C8orf89: variants seen among roughly 807,000 people sequenced by gnomAD.
C8orf89 encodes chromosome 8 open reading frame 89, also known as putative uncharacterized protein C8orf89.
In C8orf89, 14 loss-of-function variants were observed where a neutral mutation model predicts 15.8. That is an observed-to-expected ratio of 0.89 (90% CI 0.59 to 1.39). C8orf89 has a LOEUF of 1.39. C8orf89 is among the 40% of genes most tolerant of loss of function. The pLI is 0.00. For synonymous variants in C8orf89, 55 were observed against 62.2 expected (o/e 0.88, Z 0.54); for missense variants, 181 against 184.5 (o/e 0.98, Z 0.11).
At chr8:73,244,073 T>C (rs1813068300) in intron 3 of C8orf89, among the ~76,000 whole-genome samples, 1 of 152,178 alleles carries the variant, frequency 6.6e-6, no homozygotes, top group African/African-American at 2.4e-5. Flanking sequence ...CATTTCATAT[T>C]TTACATGCCT....
the C8orf89 span, among the ~76,000 whole-genome samples, chr8:73,272,153 C>T: frequency 6.6e-6 from 1 of 152,122 alleles, no homozygotes; most frequent in African/African-American, 2.4e-5. Flanking sequence ...TAGATCTCCA[C>T]CTTTTCCCCC....
At chr8:73,277,017 G>A in the C8orf89 span, among the ~76,000 whole-genome samples, 1 of 151,808 alleles carries the variant, frequency 6.6e-6, no homozygotes, top group Middle Eastern at 3.4e-3. Context: ...ATGTAACCCA[G>A]GCTTGTCTTG....
At chr8:73,246,369 T>TTTTG (rs796644173) in intron 3 of C8orf89, among the ~76,000 whole-genome samples, 10 of 152,074 alleles carry the variant, frequency 6.6e-5, no homozygotes, top group South Asian at 4.1e-4. Context: ...CTTTTGGGTT[T>TTTTG]TTTGTTTGTT....
the C8orf89 span, among the ~76,000 whole-genome samples, chr8:73,284,055 G>GA: frequency 6.3e-4 from 88 of 139,730 alleles, no homozygotes; most frequent in African/African-American, 1.8e-3. Flanking sequence ...AAAAAAAAAA[G>GA]AAAAAAAAAA....
chr8:73,255,900 A>T (rs1167962281), intron 2 of C8orf89, among the ~76,000 whole-genome samples: 81 of 146,734 alleles, frequency 5.5e-4, no homozygotes, highest in African/African-American at 1.9e-3. Flanking sequence ...ATAGGTGGGA[A>T]TTGAACAATG....
the C8orf89 span, among the ~76,000 whole-genome samples, chr8:73,280,022 G>A: frequency 6.6e-6 from 1 of 152,176 alleles, no homozygotes; most frequent in Non-Finnish European, 1.5e-5. Flanking sequence ...TGCACTGTCC[G>A]AATTCCTGAC....
At chr8:73,274,123 A>G in the C8orf89 span, among the ~76,000 whole-genome samples, 117 of 151,980 alleles carry the variant, frequency 7.7e-4, no homozygotes, top group African/African-American at 2.6e-3. Context: ...TGCTTACCTG[A>G]CACTATATTA....
chr8:73,247,072 A>G (rs2130252100), intron 3 of C8orf89, among the ~76,000 whole-genome samples: 1 of 152,302 alleles, frequency 6.6e-6, no homozygotes, highest in Middle Eastern at 3.4e-3. Context: ...TCAGGGGTAC[A>G]TGTGTAGGTT....
At chr8:73,279,399 T>A in the C8orf89 span, among the ~76,000 whole-genome samples, 1 of 152,172 alleles carries the variant, frequency 6.6e-6, no homozygotes, top group African/African-American at 2.4e-5. Flanking sequence ...TGTAGTAATA[T>A]GAATTCAGAC....
chr8:73,257,982 G>C (rs1036976672), intron 1 of C8orf89, among the ~76,000 whole-genome samples: 1 of 152,062 alleles, frequency 6.6e-6, no homozygotes, highest in Admixed American at 6.5e-5. Flanking sequence ...AATTAGATTT[G>C]GGGGGTAGAA....
At chr8:73,285,783 G>A in the C8orf89 span, among the ~76,000 whole-genome samples, 1 of 152,202 alleles carries the variant, frequency 6.6e-6, no homozygotes, top group Non-Finnish European at 1.5e-5. Context: ...CAGCCTTGTC[G>A]CAGGGCTGGC....
chr8:73,278,055 C>T, the C8orf89 span: 1 of 466,758 alleles, frequency 2.1e-6, no homozygotes, highest in Non-Finnish European at 4.0e-6. Context: ...ATTTCTGCCT[C>T]AGTCTCCAAC....
chr8:73,277,536 T>A, the C8orf89 span: 1 of 765,492 alleles, frequency 1.3e-6, no homozygotes, highest in Non-Finnish European at 2.4e-6. Flanking sequence ...CTTCCAGGTT[T>A]CCAGAGAAGC....
the C8orf89 span, among the ~76,000 whole-genome samples, chr8:73,285,249 G>A: frequency 6.6e-6 from 1 of 152,142 alleles, no homozygotes; most frequent in Non-Finnish European, 1.5e-5. Context: ...CAATCTGTAA[G>A]GGTGTGTCCA....
Position 73,257,714 on chromosome 8 carries a change from A to T in C8orf89, c.128-588T>A, listed in dbSNP as rs11996149. ...AGAGAGACGGTCAAATTATTTTTAA[A>T]AATTTTCAAGGCATTAAATGAAAAG... On this transcript the variant is annotated intron_variant, in intron 1 of 3. Transcript: ENST00000624510. Among the ~76,000 whole-genome samples, 669 of 152,312 alleles carry T rather than the reference A, an allele frequency of 4.4e-3. 7 individuals are homozygous for T. Among genetic ancestry groups the T allele is most frequent in the African/African-American group, 0.016 (646 of 41,560 alleles).
chr8:73,254,645 G>A (rs556064416), intron 2 of C8orf89, among the ~76,000 whole-genome samples: 10 of 152,042 alleles, frequency 6.6e-5, no homozygotes, highest in African/African-American at 2.2e-4. Flanking sequence ...CCTTCTTCAC[G>A]CCCTCCTCCC....
chr8:73,275,681 G>A, the C8orf89 span, among the ~76,000 whole-genome samples: 1 of 151,746 alleles, frequency 6.6e-6, no homozygotes, highest in Non-Finnish European at 1.5e-5. Context: ...TTTTGTACAG[G>A]GTTTTGTTTT....
upstream of C8orf89, among the ~76,000 whole-genome samples, chr8:73,262,338 C>T (rs1813545047): frequency 1.3e-5 from 2 of 152,066 alleles, no homozygotes; most frequent in African/African-American, 4.8e-5. Context: ...CTGAACATTC[C>T]AGACCAAGGT....
At chr8:73,273,317 G>T in the C8orf89 span, among the ~76,000 whole-genome samples, 1 of 152,208 alleles carries the variant, frequency 6.6e-6, no homozygotes, top group South Asian at 2.1e-4. Flanking sequence ...GCCTCTGTAG[G>T]CTTCAAAGTG....
Sources: gnomAD v4.1 joint callset for allele counts (sites outside exome capture counted in the v4.1 genomes callset) on GRCh38, gnomAD v4.1.1 for gene constraint, MANE v1.5 for transcripts, NCBI Gene and HGNC (gene_info 2026-07-23, HGNC 2026-07-21) for gene names.